Variants in RBFOX1 observed in about 807,000 individuals in gnomAD.
RBFOX1 encodes RNA binding fox-1 homolog 1, also known as RNA binding protein fox-1 homolog 1.
Under a neutral mutation model 57.7 loss-of-function variants are expected in RBFOX1, and 8 were observed. The ratio of observed to expected loss-of-function variants is 0.14; its 90% CI spans 0.08 to 0.25. The LOEUF is 0.25. RBFOX1 is among the 10% of genes least tolerant of loss of function. The pLI, the probability that RBFOX1 is intolerant of heterozygous loss-of-function variation, is 1.00. For missense variants in RBFOX1, 611 were observed against 548.5 expected, an observed-to-expected ratio of 1.11 and a Z score of -1.14; for synonymous variants, 326 against 222.4, an observed-to-expected ratio of 1.47 and a Z score of -4.15.
intron 2 of RBFOX1, among the ~76,000 whole-genome samples, chr16:6,480,311 G>C (rs1404484352): frequency 6.6e-6 from 1 of 151,990 alleles, no homozygotes; most frequent in Non-Finnish European, 1.5e-5. Flanking sequence ...GCATGTAAAG[G>C]GCCAGAGAGT....
At chr16:6,564,234 A>C (rs1160240855) in intron 2 of RBFOX1, among the ~76,000 whole-genome samples, 2 of 151,978 alleles carry the variant, frequency 1.3e-5, no homozygotes, top group African/African-American at 4.8e-5. Context: ...TGGTGCAGAA[A>C]CTCAAGAGCA....
At chr16:7,329,078 GC>G (rs2096650425) in intron 4 of RBFOX1, among the ~76,000 whole-genome samples, 2 of 152,210 alleles carry the variant, frequency 1.3e-5, no homozygotes, top group African/African-American at 4.8e-5. Flanking sequence ...GTCAACGGAT[GC>G]TTTTTCACGC....
intron 3 of RBFOX1, among the ~76,000 whole-genome samples, chr16:5,773,686 G>A (rs879819016): frequency 9.9e-5 from 15 of 152,258 alleles, no homozygotes; most frequent in Admixed American, 9.8e-4. Flanking sequence ...AGGTGGAAAA[G>A]CATGTGCATT....
intron 3 of RBFOX1, among the ~76,000 whole-genome samples, chr16:6,835,333 C>A (rs2093014054): frequency 6.6e-6 from 1 of 152,118 alleles, no homozygotes. Context: ...CTCATATAGG[C>A]ATAGACTCCT....
intron 2 of RBFOX1, among the ~76,000 whole-genome samples, chr16:6,496,504 A>C (rs1422761553): frequency 6.6e-6 from 1 of 152,154 alleles, no homozygotes; most frequent in Non-Finnish European, 1.5e-5. Flanking sequence ...ATCAGACGGG[A>C]ATCAATTTTG....
chr16:6,868,764 C>T (rs778657010), intron 3 of RBFOX1, among the ~76,000 whole-genome samples: 2 of 152,142 alleles, frequency 1.3e-5, no homozygotes, highest in African/African-American at 4.8e-5. Flanking sequence ...AGCCATTGCA[C>T]CCGGCCAGTA....
intron 11 of RBFOX1, among the ~76,000 whole-genome samples, chr16:7,648,547 G>C (rs1176925417): frequency 6.6e-6 from 1 of 152,158 alleles, no homozygotes; most frequent in Non-Finnish European, 1.5e-5. Context: ...AATAAAGATG[G>C]GAAGAAACAC....
intron 4 of RBFOX1, among the ~76,000 whole-genome samples, chr16:7,219,194 C>T (rs193080983): frequency 1.3e-5 from 2 of 152,166 alleles, no homozygotes; most frequent in Non-Finnish European, 2.9e-5. Context: ...TACACATTGA[C>T]ATAATTAATG....
intron 4 of RBFOX1, among the ~76,000 whole-genome samples, chr16:7,182,184 A>C (rs192816088): frequency 6.6e-6 from 1 of 152,314 alleles, no homozygotes; most frequent in East Asian, 1.9e-4. Context: ...TTAGGGTCAG[A>C]GACTTTGGAG....
intron 3 of RBFOX1, among the ~76,000 whole-genome samples, chr16:6,819,089 A>G (rs943457563): frequency 1.3e-5 from 2 of 152,188 alleles, no homozygotes; most frequent in Non-Finnish European, 2.9e-5. Context: ...TCCAAACACC[A>G]CAGACTTCCG....
intron 4 of RBFOX1, among the ~76,000 whole-genome samples, chr16:7,061,247 C>T (rs924049241): frequency 7.9e-5 from 12 of 152,144 alleles, no homozygotes; most frequent in Non-Finnish European, 1.3e-4. Context: ...CTCATAAGTA[C>T]ATTTAAAATG....
chr16:6,562,879 TC>T (rs1254008988), intron 2 of RBFOX1, among the ~76,000 whole-genome samples: 2,890 of 47,556 alleles, frequency 0.061, 64 homozygotes, highest in Non-Finnish European at 0.081. Flanking sequence ...TTTCTTTCTT[TC>T]TTTTTTTTTT....
intron 4 of RBFOX1, among the ~76,000 whole-genome samples, chr16:7,102,939 G>A (rs983026125): frequency 1.3e-5 from 2 of 152,056 alleles, no homozygotes; most frequent in Non-Finnish European, 2.9e-5. Context: ...TTCACATGGA[G>A]TATAAATGAT....
chr16:7,004,816 G>A (rs2093156047), intron 3 of RBFOX1, among the ~76,000 whole-genome samples: 1 of 152,136 alleles, frequency 6.6e-6, no homozygotes, highest in South Asian at 2.1e-4. Context: ...AAGTGGCTGG[G>A]TCAGCTGTTG....
Position 7,418,652 on chromosome 16 carries a change from A to G in RBFOX1, c.28-99495A>G, listed in dbSNP as rs369212305. The stretch of plus-strand genomic sequence containing the variant: ...ATTATTAGATTAGATTGGATCTTAG[A>G]TATTGAAGAATTTTTACTCCCTTAC... On this transcript the variant is annotated intron_variant, in intron 4 of 15. Transcript: ENST00000550418. Among the ~76,000 whole-genome samples the G allele has an allele frequency of 2.1e-3, 323 of 152,266 alleles. 3 individuals are homozygous for G. Among genetic ancestry groups the G allele is most frequent in the African/African-American group, 7.5e-3 (312 of 41,558 alleles).
intron 1 of RBFOX1, chr16:5,467,207 T>TG (rs2068980543): frequency 6.7e-7 from 1 of 1,491,118 alleles, no homozygotes; most frequent in South Asian, 1.2e-5. Context: ...TTTTTTTTTT[T>TG]TAATGCAGGA....
chr16:5,887,870 C>T (rs920107859), intron 4 of RBFOX1, among the ~76,000 whole-genome samples: 1 of 152,176 alleles, frequency 6.6e-6, no homozygotes, highest in African/African-American at 2.4e-5. Context: ...TGCTGAGTTA[C>T]AGCAAAATTT....
intron 4 of RBFOX1, among the ~76,000 whole-genome samples, chr16:7,480,557 C>T (rs147209343): frequency 6.4e-4 from 98 of 152,256 alleles, no homozygotes; most frequent in African/African-American, 2.3e-3. Flanking sequence ...GGGAAAGCTG[C>T]AAGCCCTGTC....
intron 3 of RBFOX1, among the ~76,000 whole-genome samples, chr16:6,946,375 T>A (rs2079523511): frequency 6.6e-6 from 1 of 152,206 alleles, no homozygotes; most frequent in Non-Finnish European, 1.5e-5. Context: ...TGGGCCTATA[T>A]TGCTTATCTG....
Sources: gnomAD v4.1 joint callset for allele counts (sites outside exome capture counted in the v4.1 genomes callset) on GRCh38, gnomAD v4.1.1 for gene constraint, MANE v1.5 for transcripts, NCBI Gene and HGNC (gene_info 2026-07-23, HGNC 2026-07-21) for gene names.